The following SULT4A1 variants were observed in gnomAD, a reference collection of about 807,000 sequenced individuals.
SULT4A1 encodes the protein sulfotransferase 4A1.
In SULT4A1, 11 loss-of-function variants were observed where a neutral mutation model predicts 35.2. The observed-to-expected ratio is 0.31, with a 90% CI of 0.20 to 0.52. SULT4A1 has a LOEUF of 0.52. SULT4A1 is among the 20% of genes least tolerant of loss of function. The pLI is 0.97. For missense variants in SULT4A1, 271 were observed against 383.7 expected (o/e 0.71, Z 2.45); for synonymous variants, 152 against 151.8 (o/e 1.00, Z -0.01).
chr22:43,855,362 T>C (rs1223667976), intron 1 of SULT4A1, among the ~76,000 whole-genome samples: 1 of 152,208 alleles, frequency 6.6e-6, no homozygotes, highest in Non-Finnish European at 1.5e-5. Flanking sequence ...CTTTCCTCCC[T>C]GGTTGTTCTG....
In SULT4A1 at chr22:43,827,306, T is replaced by C. The variant is rs562811252; in HGVS notation, c.743-1193A>G. On this transcript the variant is annotated intron_variant, in intron 6 of 6. Coordinates refer to ENST00000330884, the MANE Select transcript of SULT4A1 (RefSeq NM_014351.4). ...TTTCAAACTGCAACCCTGCAAATGC[T>C]GAGCTAAAATACCCAACGTAACACG... is the stretch of plus-strand genomic sequence containing the variant. 30 of 985,440 alleles carry C rather than the reference T, an allele frequency of 3.0e-5. No homozygotes were observed. The Admixed American group carries it at 1.7e-3, about 54-fold the overall frequency. 61.0% of individuals were successfully genotyped at this position (985,440 alleles called of 1,614,324 possible).
intron 6 of SULT4A1, 153 bp from the exon 7 acceptor site, chr22:43,826,266 A>G: frequency 1.0e-6 from 1 of 985,396 alleles, no homozygotes; most frequent in Non-Finnish European, 1.2e-6. Flanking sequence ...CGTCTGAGCT[A>G]CAGACCAGGT....
At chr22:43,837,564 T>C (rs965704100) in intron 4 of SULT4A1, among the ~76,000 whole-genome samples, 1 of 152,118 alleles carries the variant, frequency 6.6e-6, no homozygotes, top group Non-Finnish European at 1.5e-5. Context: ...CTCAGGGGGC[T>C]TCAGGGTGCG....
Position 43,846,520 on chromosome 22 carries a change from T to C in SULT4A1, c.170-4588A>G, listed in dbSNP as rs555469199. ...GACACTGAGTAATCAGAAGGGGATGTGTTGATCAAGGAAGACTTCCTGGAG... is the reference window on the plus strand; with the variant it reads ...GACACTGAGTAATCAGAAGGGGATGCGTTGATCAAGGAAGACTTCCTGGAG... On this transcript the variant is annotated intron_variant, in intron 1 of 6. Transcript: ENST00000330884. 2.6e-5 allele frequency among the ~76,000 whole-genome samples: 4 copies of C among 152,294 alleles called. No individual in the cohort carries two copies. In the East Asian group the frequency reaches 7.7e-4, roughly 29 times the overall value.
intron 4 of SULT4A1, among the ~76,000 whole-genome samples, chr22:43,835,768 A>G (rs1358183260): frequency 1.3e-5 from 2 of 152,216 alleles, no homozygotes; most frequent in Admixed American, 6.5e-5. Context: ...TCAAAAACAG[A>G]CATCCCGGTG....
intron 1 of SULT4A1, among the ~76,000 whole-genome samples, chr22:43,851,674 G>C (rs1472923672): frequency 6.6e-6 from 1 of 152,192 alleles, no homozygotes; most frequent in Non-Finnish European, 1.5e-5. Context: ...GGAGGGGCTG[G>C]TAATCCCACC....
intron 1 of SULT4A1, among the ~76,000 whole-genome samples, chr22:43,846,753 G>C (rs1258188309): frequency 6.6e-6 from 1 of 152,252 alleles, no homozygotes; most frequent in Non-Finnish European, 1.5e-5. Context: ...TGCCTTGCCT[G>C]TTCCTCCTGG....
intron 1 of SULT4A1, among the ~76,000 whole-genome samples, chr22:43,851,178 C>A (rs774324586): frequency 1.3e-5 from 2 of 152,168 alleles, no homozygotes; most frequent in Non-Finnish European, 2.9e-5. Flanking sequence ...GCAATTAAAA[C>A]CTCCACCATC....
intron 1 of SULT4A1, among the ~76,000 whole-genome samples, chr22:43,852,999 C>T (rs35012821): frequency 6.6e-6 from 1 of 151,996 alleles, no homozygotes; most frequent in South Asian, 2.1e-4. Context: ...CGCTCCAGAA[C>T]CAGAGTGCTT....
intron 2 of SULT4A1, among the ~76,000 whole-genome samples, chr22:43,840,245 G>A (rs2063414977): frequency 6.7e-6 from 1 of 150,126 alleles, no homozygotes; most frequent in Non-Finnish European, 1.5e-5. Context: ...CCAGGAGCAG[G>A]GGGACCAGAG....
rs695712 is a variant in SULT4A1, at chr22:43,842,975, A to ATCTCTCTCTCTCTCTCTC, written c.170-1061_170-1044dup. Among the ~76,000 whole-genome samples the ATCTCTCTCTCTCTCTCTC allele has an allele frequency of 1.5e-3, 211 of 144,582 alleles. 2 individuals carry two copies. Among genetic ancestry groups the ATCTCTCTCTCTCTCTCTC allele is most frequent in the African/African-American group, 4.2e-3 (160 of 38,266 alleles). The allele number at this position is 144,582 out of a possible 152,430, so 94.9% of individuals were successfully genotyped here. On this transcript the variant is annotated intron_variant, in intron 1 of 6. Transcript: ENST00000330884. Reference sequence around the variant, plus strand: ...TTAGAAGCAGGTCTCAGTAAACAGCATCTCTCTCTCTCTCTCTCTCTCTCT... The same window carrying ATCTCTCTCTCTCTCTCTC: ...TTAGAAGCAGGTCTCAGTAAACAGCATCTCTCTCTCTCTCTCTCTCTCTCTCTCTCTCTCTCTCTCTCT...
intron 1 of SULT4A1, among the ~76,000 whole-genome samples, chr22:43,845,512 G>A (rs2063469248): frequency 6.6e-6 from 1 of 152,106 alleles, no homozygotes; most frequent in South Asian, 2.1e-4. Flanking sequence ...GAGCCCCGCC[G>A]ACCCTGCCGT....
chr22:43,857,627 A>G (rs2049417077), intron 1 of SULT4A1, among the ~76,000 whole-genome samples: 1 of 152,230 alleles, frequency 6.6e-6, no homozygotes, highest in African/African-American at 2.4e-5. Context: ...ACACACATAC[A>G]AAAACCCTAG....
At chr22:43,851,566 C>A (rs902793842) in intron 1 of SULT4A1, among the ~76,000 whole-genome samples, 1 of 152,120 alleles carries the variant, frequency 6.6e-6, no homozygotes, top group Non-Finnish European at 1.5e-5. Flanking sequence ...GTGGGAGGTA[C>A]AGGGCTCTGC....
At chr22:43,848,775 A>G (rs2063492468) in intron 1 of SULT4A1, among the ~76,000 whole-genome samples, 1 of 152,196 alleles carries the variant, frequency 6.6e-6, no homozygotes, top group Non-Finnish European at 1.5e-5. Flanking sequence ...GAGGGCACCA[A>G]TCTTCCTCAT....
At chr22:43,849,139 C>T (rs974181263) in intron 1 of SULT4A1, among the ~76,000 whole-genome samples, 8 of 152,166 alleles carry the variant, frequency 5.3e-5, no homozygotes, top group Admixed American at 3.3e-4. Flanking sequence ...GTCTCAACAC[C>T]GGGCACAGAG....
chr22:43,844,205 TTAAAA>T (rs1267582893), intron 1 of SULT4A1, among the ~76,000 whole-genome samples: 1 of 152,152 alleles, frequency 6.6e-6, no homozygotes, highest in Non-Finnish European at 1.5e-5. Context: ...TATAATTCAA[TTAAAA>T]AGAGACAAAT....
intron 1 of SULT4A1, among the ~76,000 whole-genome samples, chr22:43,861,811 G>A (rs566779211): frequency 6.6e-6 from 1 of 152,344 alleles, no homozygotes; most frequent in East Asian, 1.9e-4. Context: ...CCAGGACTTT[G>A]CACTCATCAA....
chr22:43,833,897 G>A (rs913594217), intron 4 of SULT4A1, among the ~76,000 whole-genome samples, 163 bp from the exon 5 acceptor site: 3 of 152,224 alleles, frequency 2.0e-5, no homozygotes, highest in Non-Finnish European at 2.9e-5. Flanking sequence ...AGGCACTCAC[G>A]TCTTGAGCCA....
Sources: gnomAD v4.1 joint callset for allele counts (sites outside exome capture counted in the v4.1 genomes callset) on GRCh38, gnomAD v4.1.1 for gene constraint, MANE v1.5 for transcripts, NCBI Gene and HGNC (gene_info 2026-07-23, HGNC 2026-07-21) for gene names.